KLHL26: variants seen among roughly 807,000 people sequenced by gnomAD.
The protein encoded by KLHL26 is kelch-like protein 26.
In KLHL26, 4 loss-of-function variants were observed where a neutral mutation model predicts 7.1. The observed-to-expected ratio is 0.56, with a 90% CI of 0.28 to 1.28. The LOEUF (loss-of-function observed/expected upper bound fraction) is 1.28. KLHL26 is among the 50% of genes most tolerant of loss of function. KLHL26 has a pLI of 0.11. For synonymous variants in KLHL26, 465 were observed against 414.1 expected, an observed-to-expected ratio of 1.12 and a Z score of -1.49; for missense variants, 896 against 924.6, an observed-to-expected ratio of 0.97 and a Z score of 0.40.
intron 2 of KLHL26, 164 bp from the exon 3 acceptor site, chr19:18,667,500 G>A (rs1256208589): frequency 7.1e-6 from 9 of 1,263,584 alleles, no homozygotes; most frequent in South Asian, 4.7e-5. Flanking sequence ...CACCGCGCCC[G>A]GCCCCTTTGC....
In KLHL26 at chr19:18,646,978, T is replaced by G. The variant is rs866578716; in HGVS notation, c.83+9841T>G. ...GGGCGGGGGCAGGGGCGGCGGGGGG[T>G]GGCGCGTCTCAGCAGGGATGGGGGC... is the stretch of plus-strand genomic sequence containing the variant. On this transcript the variant is annotated intron_variant, in intron 1 of 2. Coordinates refer to ENST00000300976, the MANE Select transcript of KLHL26 (RefSeq NM_018316.3). This position sits in a 1 kb window ranked among gnomAD's most constrained non-coding sequence, Gnocchi z 5.0. 7.6e-4 allele frequency among the ~76,000 whole-genome samples: 80 copies of G among 105,574 alleles called. No homozygotes were observed. The highest frequency in any genetic ancestry group is 9.6e-4 in the South Asian group (3 of 3,110). 69.3% of individuals were successfully genotyped at this position (105,574 alleles called of 152,430 possible).
chr19:18,637,578 C>A (rs1002306149), intron 1 of KLHL26, among the ~76,000 whole-genome samples: 1 of 151,786 alleles, frequency 6.6e-6, no homozygotes, highest in Non-Finnish European at 1.5e-5. Context: ...TGCTGAAGGG[C>A]CCCAAGGTGG....
chr19:18,654,716 T>C (rs1044516214), intron 1 of KLHL26, among the ~76,000 whole-genome samples: 1 of 151,484 alleles, frequency 6.6e-6, no homozygotes, highest in Admixed American at 6.6e-5. Context: ...CATCCACTCA[T>C]CCATTCACCC....
Position 18,669,069 on chromosome 19 carries a change from G to A in KLHL26, c.1672G>A (p.Glu558Lys). 6.2e-7 allele frequency: 1 copy of A among 1,612,876 alleles called. No individual in the cohort carries two copies. Among genetic ancestry groups the A allele is most frequent in the South Asian group, 1.1e-5 (1 of 91,084 alleles). Reference sequence around the variant, plus strand: ...GTCAGAGGCCGGCTGCTGCCTGCTGGAGAGGAAGATCTACATCGTCGGGGG... The same window carrying A: ...GTCAGAGGCCGGCTGCTGCCTGCTGAAGAGGAAGATCTACATCGTCGGGGG... ...GQSEAGCCLL[E>K]RKIYIVGGYN... The change falls in exon 3 of 3, where the codon GAG becomes AAG. Residue 558 changes from glutamate (E) to lysine (K), a missense_variant. Coordinates refer to ENST00000300976, the MANE Select transcript of KLHL26 (RefSeq NM_018316.3).
intron 1 of KLHL26, among the ~76,000 whole-genome samples, chr19:18,638,840 AC>A (rs1976663221): frequency 6.6e-6 from 1 of 152,070 alleles, no homozygotes; most frequent in Admixed American, 6.6e-5. Context: ...AGCTGGGACT[AC>A]AGGTGTGCAC....
chr19:18,641,648 A>G (rs1478583542), intron 1 of KLHL26, among the ~76,000 whole-genome samples: 1 of 106,560 alleles, frequency 9.4e-6, no homozygotes, highest in Non-Finnish European at 1.8e-5. Flanking sequence ...TTTTTTTTTG[A>G]GATGGAGGCT....
At chr19:18,655,432 C>T (rs926155207) in intron 1 of KLHL26, among the ~76,000 whole-genome samples, 1 of 152,226 alleles carries the variant, frequency 6.6e-6, no homozygotes, top group Non-Finnish European at 1.5e-5. Flanking sequence ...CTGAGGAAGG[C>T]CTCCTTTGGC....
In KLHL26 at chr19:18,664,274, A is replaced by C; in HGVS notation, c.97A>C (p.Asn33His). The change falls in exon 2 of 3, where the codon AAC (asparagine) becomes CAC (histidine). Residue 33 changes from asparagine to histidine, a missense_variant. Physicochemically the swap from Asn to His is moderately conservative, Grantham distance 68. Coordinates refer to ENST00000300976, the MANE Select transcript of KLHL26 (RefSeq NM_018316.3). ...PERPNSTADKNGALKCTFSAP... is the reference protein window; with the variant it reads ...PERPNSTADKHGALKCTFSAP... The stretch of plus-strand genomic sequence containing the variant: ...CTTTCCCCGCAGCACGGCCGACAAG[A>C]ACGGGGCCCTCAAGTGCACCTTCTC... 3 of 1,602,112 alleles carry C rather than the reference A, an allele frequency of 1.9e-6. No individual in the cohort carries two copies.
rs192850509 is a variant in KLHL26, at chr19:18,648,942, C to A, written c.83+11805C>A. Among the ~76,000 whole-genome samples the A allele has an allele frequency of 4.6e-5, 7 of 152,324 alleles. No homozygotes were observed. The highest frequency in any genetic ancestry group is 1.3e-4 in the Admixed American group (2 of 15,298). Reference sequence around the variant, plus strand: ...CCCTCCTAAGGCAGGAATCAGACCACCTCACTCCCCTGCCGGCCACCTGCC... The same window carrying A: ...CCCTCCTAAGGCAGGAATCAGACCAACTCACTCCCCTGCCGGCCACCTGCC... On this transcript the variant is annotated intron_variant, in intron 1 of 2. Coordinates refer to ENST00000300976, the MANE Select transcript of KLHL26 (RefSeq NM_018316.3). This position sits in a 1 kb window ranked among gnomAD's most constrained non-coding sequence, Gnocchi z 4.9.
chr19:18,642,729 C>CA (rs1369741818), intron 1 of KLHL26, among the ~76,000 whole-genome samples: 6 of 151,378 alleles, frequency 4.0e-5, no homozygotes, highest in Non-Finnish European at 7.4e-5. Flanking sequence ...CCCATGCTGG[C>CA]ATGCAGTGTC....
Position 18,667,930 on chromosome 19 carries a change from C to T in KLHL26, c.533C>T (p.Ala178Val), listed in dbSNP as rs1225205103. Residue 178 changes from alanine to valine, a missense_variant, in exon 3 of 3, where the codon GCC becomes GTC. By Grantham distance (64) the Ala-to-Val change is moderately conservative. Transcript: ENST00000300976. ...CAGATGGCCACCACCTTCAGCCTGG[C>T]CTCGCTGCGAGAGTCGGTGGATGCC... ...IGQMATTFSLASLRESVDAFT... is the reference protein window; with the variant it reads ...IGQMATTFSLVSLRESVDAFT... 1 of 1,611,240 alleles carries T rather than the reference C, an allele frequency of 6.2e-7. No individual in the cohort carries two copies. The highest frequency in any genetic ancestry group is 1.7e-5 in the Admixed American group (1 of 60,028).
intron 1 of KLHL26, among the ~76,000 whole-genome samples, chr19:18,658,604 T>G (rs1164145223): frequency 6.7e-6 from 1 of 148,336 alleles, no homozygotes; most frequent in Non-Finnish European, 1.5e-5. Context: ...GGTCTCTGTC[T>G]CCCTCTCTCC....
chr19:18,668,223 C>G lies in KLHL26; in HGVS notation c.826C>G (p.Leu276Val). The change falls in exon 3 of 3, where the codon CTG (leucine) becomes GTG (valine). Residue 276 changes from leucine to valine, a missense_variant. Coordinates refer to ENST00000300976, the MANE Select transcript of KLHL26 (RefSeq NM_018316.3). ...QTLDIMVEDV[L>V]CRQYLLEAFN... ...GCTGGACATCATGGTGGAGGACGTG[C>G]TGTGCCGCCAGTATCTGCTGGAGGC... 1 of 1,612,032 alleles carries G rather than the reference C, an allele frequency of 6.2e-7. No homozygotes were observed. Among genetic ancestry groups the G allele is most frequent in the Non-Finnish European group, 8.5e-7 (1 of 1,179,882 alleles).
chr19:18,638,702 T>G (rs1173770738), intron 1 of KLHL26, among the ~76,000 whole-genome samples: 1 of 152,184 alleles, frequency 6.6e-6, no homozygotes, highest in Non-Finnish European at 1.5e-5. Context: ...TTTTTATTTT[T>G]ATTTTTTTGA....
chr19:18,639,403 GTTTTTTTTTT>G (rs34034254), intron 1 of KLHL26, among the ~76,000 whole-genome samples: 31 of 71,186 alleles, frequency 4.4e-4, no homozygotes, highest in East Asian at 2.5e-3. Context: ...TTATCATTAA[GTTTTTTTTTT>G]TTTTTTTTTT....
intron 1 of KLHL26, among the ~76,000 whole-genome samples, chr19:18,662,360 T>C (rs1314867646): frequency 2.0e-5 from 3 of 152,228 alleles, no homozygotes; most frequent in Non-Finnish European, 2.9e-5. Context: ...AGAGCCCGAA[T>C]GCACAACCCT....
chr19:18,665,985 T>G (rs996187537), intron 2 of KLHL26, among the ~76,000 whole-genome samples: 4 of 152,202 alleles, frequency 2.6e-5, no homozygotes, highest in Non-Finnish European at 5.9e-5. Context: ...ATTCTGGATT[T>G]GGGGACGGGT....
chr19:18,637,149 C>A lies in KLHL26; in HGVS notation c.83+12C>A. ...GAGCGCCCGAACAGGTGAGACCCGG[C>A]CCGCAGGATAGACCTGCACCTGTCT... On this transcript the variant is annotated intron_variant, in intron 1 of 2. Transcript: ENST00000300976. The A allele has an allele frequency of 2.3e-6, 3 of 1,327,818 alleles. No homozygotes were observed. The highest frequency in any genetic ancestry group is 2.9e-6 in the Non-Finnish European group (3 of 1,040,326). The allele number at this position is 1,327,818 out of a possible 1,614,324, so 82.3% of individuals were successfully genotyped here.
chr19:18,637,266 G>A, intron 1 of KLHL26, 129 bp downstream of exon 1: 2 of 1,019,138 alleles, frequency 2.0e-6, no homozygotes, highest in Non-Finnish European at 2.5e-6. Flanking sequence ...TGAGAATTTG[G>A]ACTTTACGGG....
Sources: gnomAD v4.1 joint callset for allele counts (sites outside exome capture counted in the v4.1 genomes callset) on GRCh38, gnomAD v4.1.1 for gene constraint, Gnocchi (gnomAD v3.1) non-coding constraint, MANE v1.5 for transcripts, NCBI Gene and HGNC (gene_info 2026-07-23, HGNC 2026-07-21) for gene names.